Variants in RIN2 observed in about 807,000 individuals in gnomAD.
RIN2 encodes the protein RAB5 interacting protein 2.
In RIN2, 36 loss-of-function variants were observed where a neutral mutation model predicts 78.0. The ratio of observed to expected loss-of-function variants is 0.46; its 90% CI spans 0.35 to 0.61. RIN2 has a LOEUF of 0.61. Among genes scored for constraint, RIN2 ranks in the 20% least tolerant of loss-of-function variants. RIN2 has a pLI of 0.00. For synonymous variants in RIN2, 466 were observed against 466.8 expected, an observed-to-expected ratio of 1.00 and a Z score of 0.02; for missense variants, 1,087 against 1,159.7, an observed-to-expected ratio of 0.94 and a Z score of 0.91.
intron 4 of RIN2, among the ~76,000 whole-genome samples, chr20:19,952,103 C>A (rs547560168): frequency 6.6e-6 from 1 of 152,300 alleles, no homozygotes; most frequent in Admixed American, 6.5e-5. Flanking sequence ...GTGGGCTCTG[C>A]CTGGTCCCAC....
chr20:19,832,706 C>T (rs1269654996), intron 2 of RIN2, among the ~76,000 whole-genome samples: 2 of 152,012 alleles, frequency 1.3e-5, no homozygotes, highest in South Asian at 2.1e-4. Context: ...AAGACACCAG[C>T]AGGTTCAGTG....
intron 3 of RIN2, chr20:19,934,592 A>T: frequency 1.0e-6 from 1 of 984,504 alleles, no homozygotes; most frequent in Non-Finnish European, 1.2e-6. Context: ...TAGAACAAGA[A>T]ATCATTTTGA....
At chr20:19,762,392 A>G (rs1368500248) in intron 1 of RIN2, among the ~76,000 whole-genome samples, 1 of 152,252 alleles carries the variant, frequency 6.6e-6, no homozygotes. Context: ...AAAGTGATCA[A>G]AGAGGCACAG....
At chr20:19,786,473 G>A (rs570246951) in intron 1 of RIN2, among the ~76,000 whole-genome samples, 5 of 152,000 alleles carry the variant, frequency 3.3e-5, no homozygotes, top group South Asian at 2.1e-4. Context: ...ATACCTTCCC[G>A]TTCCCCACCC....
At chr20:19,987,630 G>C (rs1431330417) in intron 9 of RIN2, among the ~76,000 whole-genome samples, 1 of 152,074 alleles carries the variant, frequency 6.6e-6, no homozygotes, top group Non-Finnish European at 1.5e-5. Context: ...ATGGAGGCTG[G>C]CCCATCTGAG....
At chr20:19,844,590 GCTGCTTCTTCCTCTTCTTCTT>G (rs1267521414) in intron 2 of RIN2, among the ~76,000 whole-genome samples, 13 of 84,752 alleles carry the variant, frequency 1.5e-4, no homozygotes, top group Non-Finnish European at 2.9e-4. Context: ...TGCTGCTGCT[GCTGCTTCTTCCTCTTCTTCTT>G]CTTCTTCTTC....
At chr20:19,886,744 A>T in intron 2 of RIN2, 1 of 1,546,062 alleles carries the variant, frequency 6.5e-7, no homozygotes, top group South Asian at 1.2e-5. Flanking sequence ...TCCAACCGGT[A>T]CAAGTCTGGA....
intron 2 of RIN2, among the ~76,000 whole-genome samples, chr20:19,886,083 G>T (rs562179630): frequency 2.6e-4 from 39 of 152,380 alleles, no homozygotes; most frequent in Admixed American, 2.2e-3. Flanking sequence ...ATCTTGCCAA[G>T]ATCTGGCCTG....
intron 2 of RIN2, among the ~76,000 whole-genome samples, chr20:19,835,144 G>GA (rs2036382974): frequency 6.7e-6 from 1 of 148,446 alleles, no homozygotes; most frequent in Non-Finnish European, 1.5e-5. Context: ...GGAAGGGAGG[G>GA]AGGAAGGAAG....
At chr20:19,919,022 C>T (rs2039800633) in intron 3 of RIN2, among the ~76,000 whole-genome samples, 1 of 152,198 alleles carries the variant, frequency 6.6e-6, no homozygotes, top group Non-Finnish European at 1.5e-5. Flanking sequence ...GCTGGAAGGC[C>T]CCGCAGTGAA....
intron 7 of RIN2, among the ~76,000 whole-genome samples, chr20:19,968,146 G>C (rs899077542): frequency 6.6e-6 from 1 of 152,096 alleles, no homozygotes; most frequent in Admixed American, 6.5e-5. Context: ...TGTCTGTGTC[G>C]TCATCTGCTC....
rs1454007215 is a variant in RIN2 at position 19,759,121 on chromosome 20, G to C, written c.-163+794G>C. ...ACCCACCGGCGGTGGCGCGCCCCTCGACCGCGCGGGGACAGCAGGATTTGC... is the reference window on the plus strand; with the variant it reads ...ACCCACCGGCGGTGGCGCGCCCCTCCACCGCGCGGGGACAGCAGGATTTGC... On this transcript the variant is annotated intron_variant, in intron 1 of 12. Transcript: ENST00000255006. 3.9e-5 allele frequency among the ~76,000 whole-genome samples: 6 copies of C among 152,288 alleles called. No individual in the cohort carries two copies. In the East Asian group the frequency reaches 1.2e-3, roughly 29 times the overall value.
At chr20:19,844,593 G>GCTGCTGCTGCTGCTGCTTCTT (rs1568806843) in intron 2 of RIN2, among the ~76,000 whole-genome samples, 2 of 64,066 alleles carry the variant, frequency 3.1e-5, no homozygotes, top group African/African-American at 1.0e-4. Flanking sequence ...TGCTGCTGCT[G>GCTGCTGCTGCTGCTGCTTCTT]CTTCTTCCTC....
intron 2 of RIN2, among the ~76,000 whole-genome samples, chr20:19,816,747 C>A (rs996376311): frequency 3.9e-5 from 6 of 152,102 alleles, no homozygotes; most frequent in Non-Finnish European, 8.8e-5. Context: ...TTAACCTCTG[C>A]ATAAAAGAGG....
rs2043114575 is a variant in RIN2 at position 20,000,635 on chromosome 20, A to C, written c.2387A>C (p.Gln796Pro). The C allele has an allele frequency of 6.3e-7, 1 of 1,599,256 alleles. No homozygotes were observed. The highest frequency in any genetic ancestry group is 8.6e-7 in the Non-Finnish European group (1 of 1,168,618). Residue 796 changes from glutamine to proline, a missense_variant, in exon 13 of 13, where the codon CAG becomes CCG. Around this residue, in one of 8 missense-constraint regions of RIN2, gnomAD observed 160 missense variants for 179.4 expected, o/e 0.89. Transcript: ENST00000255006. Reference protein sequence around the residue: ...DFQNYLRVAFQEVNSGCTGKT... With the variant: ...DFQNYLRVAFPEVNSGCTGKT... ...CAGAATTACCTCCGAGTTGCATTTC[A>C]GGAGGTCAACAGTGGTTGCACAGGA...
At chr20:19,804,558 G>A (rs982494350) in intron 2 of RIN2, among the ~76,000 whole-genome samples, 20 of 152,120 alleles carry the variant, frequency 1.3e-4, no homozygotes, top group African/African-American at 4.3e-4. Context: ...TGACTTGATC[G>A]TGGTGAATAA....
At chr20:19,896,352 C>G (rs1303313975) in intron 3 of RIN2, among the ~76,000 whole-genome samples, 1 of 152,152 alleles carries the variant, frequency 6.6e-6, no homozygotes, top group Admixed American at 6.5e-5. Context: ...CCACACCCAG[C>G]TAATTTTTTG....
In RIN2 at chr20:19,969,350, G is replaced by A. The variant is rs2042034840; in HGVS notation, c.537-1488G>A. Among the ~76,000 whole-genome samples, 3 of 152,238 alleles carry A rather than the reference G, an allele frequency of 2.0e-5. No individual in the cohort carries two copies. The South Asian group carries it at 6.2e-4, about 32-fold the overall frequency. Reference sequence around the variant, plus strand: ...TTCCAGCCGCAGTGGTCTCCTTGCTGTTCTTCATCCATGCCAGACCCTCCC... The same window carrying A: ...TTCCAGCCGCAGTGGTCTCCTTGCTATTCTTCATCCATGCCAGACCCTCCC... On this transcript the variant is annotated intron_variant, in intron 7 of 12. Transcript: ENST00000255006.
intron 2 of RIN2, among the ~76,000 whole-genome samples, chr20:19,829,319 G>C (rs1351569687): frequency 1.3e-5 from 2 of 152,048 alleles, no homozygotes; most frequent in Admixed American, 6.6e-5. Context: ...TTAATTTGTA[G>C]GACTTTGGGG....
Sources: allele counts gnomAD v4.1 joint callset (sites outside exome capture counted in the v4.1 genomes callset), GRCh38; gene constraint gnomAD v4.1.1; regional missense constraint gnomAD v4.1.1; transcripts MANE v1.5; gene names NCBI Gene and HGNC (gene_info 2026-07-23, HGNC 2026-07-21).